Variants in ERAP1 observed in about 807,000 individuals in gnomAD.
ERAP1 encodes the protein adipocyte-derived leucine aminopeptidase.
In ERAP1, 86 loss-of-function variants were observed where a neutral mutation model predicts 103.7. That is an observed-to-expected ratio of 0.83 (90% confidence interval 0.70 to 0.99). The LOEUF is 0.99. ERAP1 is among the 50% of genes least tolerant of loss of function. The pLI is 0.00. For synonymous variants in ERAP1, 398 were observed against 402.4 expected (o/e 0.99, Z 0.13); for missense variants, 1,009 against 1,128.4 (o/e 0.89, Z 1.52).
At chr5:96,865,278 A>G in the ERAP1 span, among the ~76,000 whole-genome samples, 1 of 152,312 alleles carries the variant, frequency 6.6e-6, no homozygotes, top group South Asian at 2.1e-4. Context: ...AAATGTGATT[A>G]AAGTACCCAA....
chr5:96,905,044 C>T, the ERAP1 span, among the ~76,000 whole-genome samples: 3 of 151,846 alleles, frequency 2.0e-5, no homozygotes, highest in African/African-American at 7.2e-5. Context: ...TAATAATATC[C>T]GATATACAAG....
the ERAP1 span, among the ~76,000 whole-genome samples, chr5:96,887,042 A>C: frequency 6.8e-6 from 1 of 147,688 alleles, no homozygotes. Context: ...AACAGTATTT[A>C]CTTACTATAT....
intron 1 of ERAP1, among the ~76,000 whole-genome samples, chr5:96,805,369 A>AC (rs1205238746): frequency 6.6e-6 from 1 of 150,850 alleles, no homozygotes; most frequent in Non-Finnish European, 1.5e-5. Context: ...AAAAAAAAAA[A>AC]AACTGTCCAG....
chr5:96,912,387 C>T, the ERAP1 span, among the ~76,000 whole-genome samples: 1 of 151,964 alleles, frequency 6.6e-6, no homozygotes, highest in Non-Finnish European at 1.5e-5. Flanking sequence ...ATTTTCACCT[C>T]AGAGTAGGTT....
Position 96,774,778 on chromosome 5 carries a change from C to A in ERAP1, c.*1618G>T, listed in dbSNP as rs1773756116. 6 of 984,292 alleles carry A rather than the reference C, an allele frequency of 6.1e-6. No homozygotes were observed. The highest frequency in any genetic ancestry group is 7.2e-6 in the Non-Finnish European group (6 of 828,978). 61.0% of individuals were successfully genotyped at this position (984,292 alleles called of 1,614,324 possible). A position where few individuals can be genotyped will look rare whatever the true frequency, so the allele number is the denominator to read the frequency against. On this transcript the variant is annotated 3_prime_UTR_variant, in exon 19 of 19. Coordinates refer to ENST00000443439, the MANE Select transcript of ERAP1 (RefSeq NM_001040458.3). ...ATTTTTATTAAACCATTCACTACAA[C>A]AAATAAGTATAAAAATTCCAATTCC...
chr5:96,868,885 A>G, the ERAP1 span, among the ~76,000 whole-genome samples: 1 of 151,844 alleles, frequency 6.6e-6, no homozygotes, highest in East Asian at 1.9e-4. Flanking sequence ...AAAAATTCTC[A>G]CCCCCAGTCC....
intron 7 of ERAP1, among the ~76,000 whole-genome samples, chr5:96,792,596 C>A (rs3797805): frequency 0.11 from 16,898 of 152,066 alleles, 1,234 homozygotes; most frequent in Admixed American, 0.2. Context: ...AAATGGAGAA[C>A]CTTAACCAGC....
At chr5:96,761,101 A>C (rs1216641165) in exon 20 of ERAP1, 1 of 152,174 alleles carries the variant, frequency 6.6e-6, no homozygotes, top group Non-Finnish European at 1.5e-5. Context: ...GTGAAAAATC[A>C]TTATTTTATG....
chr5:96,923,305 T>G, the ERAP1 span, among the ~76,000 whole-genome samples: 1 of 152,158 alleles, frequency 6.6e-6, no homozygotes, highest in Non-Finnish European at 1.5e-5. Flanking sequence ...GGAAACATAC[T>G]ATTTGTTGAC....
At chr5:96,920,024 C>T in the ERAP1 span, among the ~76,000 whole-genome samples, 28 of 152,292 alleles carry the variant, frequency 1.8e-4, no homozygotes, top group African/African-American at 6.7e-4. Flanking sequence ...CCTCAAGAGT[C>T]TAACTAGCCA....
Position 96,793,471 on chromosome 5 carries a change from A to G in ERAP1, c.1117T>C (p.Trp373Arg), listed in dbSNP as rs1776964486. 6.2e-7 allele frequency: 1 copy of G among 1,613,864 alleles called. No homozygotes were observed. Among genetic ancestry groups the G allele is most frequent in the Non-Finnish European group, 8.5e-7 (1 of 1,179,926 alleles). Reference sequence around the variant, plus strand: ...AATTTGGCAAATCCTTCATTTAGCCAAAGATCATTCCACCATTCCATAGTG... The same window carrying G: ...AATTTGGCAAATCCTTCATTTAGCCGAAGATCATTCCACCATTCCATAGTG... ...LVTMEWWNDL[W>R]LNEGFAKFME... The change falls in exon 7 of 19, where the codon TGG becomes CGG. Residue 373 changes from tryptophan to arginine, a missense_variant. Physicochemically the swap from Trp to Arg is moderately radical, Grantham distance 101 (BLOSUM62 -3). This residue lies in a region of ERAP1 where 392 missense variants were observed against 455.2 expected (regional missense o/e 0.86). Transcript: ENST00000443439.
chr5:96,829,651 A>T, the ERAP1 span, among the ~76,000 whole-genome samples: 1 of 152,226 alleles, frequency 6.6e-6, no homozygotes, highest in South Asian at 2.1e-4. Flanking sequence ...TTAAGCAATT[A>T]CAACATGCGG....
the ERAP1 span, among the ~76,000 whole-genome samples, chr5:96,883,595 T>C: frequency 1.8e-4 from 28 of 152,324 alleles, no homozygotes; most frequent in African/African-American, 6.3e-4. Context: ...AAACAGGGCA[T>C]TGCTTATGAT....
chr5:96,789,875 G>C (rs1776527494), intron 10 of ERAP1, among the ~76,000 whole-genome samples: 1 of 152,226 alleles, frequency 6.6e-6, no homozygotes, highest in African/African-American at 2.4e-5. Context: ...GAGTAAAGGA[G>C]ATAATACATA....
At chr5:96,910,736 G>A in the ERAP1 span, among the ~76,000 whole-genome samples, 1 of 152,162 alleles carries the variant, frequency 6.6e-6, no homozygotes, top group Non-Finnish European at 1.5e-5. Context: ...ATTAAATATT[G>A]TTGGTTTTTT....
the ERAP1 span, among the ~76,000 whole-genome samples, chr5:96,882,337 A>C: frequency 1.3e-5 from 2 of 152,136 alleles, no homozygotes; most frequent in African/African-American, 4.8e-5. Flanking sequence ...ATTTGGAGTA[A>C]AGCTGTAGGA....
chr5:96,923,659 A>T, the ERAP1 span, among the ~76,000 whole-genome samples: 1 of 150,198 alleles, frequency 6.7e-6, no homozygotes, highest in Non-Finnish European at 1.5e-5. Context: ...AGGCCACTGC[A>T]CTCCAGCCTG....
chr5:96,786,943 C>T (rs1470561830), intron 11 of ERAP1, among the ~76,000 whole-genome samples: 1 of 152,104 alleles, frequency 6.6e-6, no homozygotes, highest in East Asian at 1.9e-4. Flanking sequence ...CATGGAGAAA[C>T]AGCAGAAAAT....
chr5:96,781,638 C>A, intron 16 of ERAP1, 55 bp downstream of exon 16: 1 of 1,607,430 alleles, frequency 6.2e-7, no homozygotes, highest in Non-Finnish European at 8.5e-7. Context: ...CCAGAATGAT[C>A]TAATCTAATC....
Sources: gnomAD v4.1 joint callset for allele counts (sites outside exome capture counted in the v4.1 genomes callset) on GRCh38, gnomAD v4.1.1 for gene constraint, gnomAD v4.1.1 regional missense constraint, MANE v1.5 for transcripts, NCBI Gene and HGNC (gene_info 2026-07-23, HGNC 2026-07-21) for gene names.